Variants in ANKRD24 observed in about 807,000 individuals in gnomAD.
The protein encoded by ANKRD24 is ankyrin repeat domain 24, also known as ankyrin repeat domain-containing protein 24.
A neutral mutation model predicts 127.8 loss-of-function variants in ANKRD24; 109 were observed. The ratio of observed to expected loss-of-function variants is 0.85; its 90% CI spans 0.73 to 1.00. The LOEUF is 1.00. Among genes scored for constraint, ANKRD24 ranks in the 50% least tolerant of loss-of-function variants. The probability of loss-of-function intolerance (pLI) is 0.00; values close to 1 mark genes in which losing one functional copy is unlikely to be tolerated. For missense variants in ANKRD24, 1,648 were observed against 1,570.2 expected, an observed-to-expected ratio of 1.05 and a Z score of -0.84; for synonymous variants, 743 against 671.1, an observed-to-expected ratio of 1.11 and a Z score of -1.66.
chr19:4,203,317 G>A (rs985410059), intron 7 of ANKRD24, among the ~76,000 whole-genome samples: 6 of 152,040 alleles, frequency 3.9e-5, no homozygotes, highest in Admixed American at 6.6e-5. Context: ...CCAAAGTGCT[G>A]GGATTACAGG....
In ANKRD24 at chr19:4,186,405, G is replaced by A. The variant is rs1568309420; in HGVS notation, c.-21G>A. 1 of 1,582,138 alleles carries A rather than the reference G, an allele frequency of 6.3e-7. No homozygotes were observed. Among genetic ancestry groups the A allele is most frequent in the Middle Eastern group, 1.7e-4 (1 of 6,016 alleles). ...CCCTCCTCAGGTGGCCTGTGGAGAG[G>A]AGAAACACAGGGCACCAACTATGAA... On this transcript the variant is annotated 5_prime_UTR_variant, in exon 2 of 22. Coordinates refer to ENST00000318934, the MANE Select transcript of ANKRD24 (RefSeq NM_001393985.1).
rs1359633655 is a variant in ANKRD24 at position 4,198,499 on chromosome 19, G to A, written c.37-1184G>A. On this transcript the variant is annotated intron_variant, in intron 2 of 21. Transcript: ENST00000318934. This position sits in a 1 kb window ranked among gnomAD's most constrained non-coding sequence, Gnocchi z 6.1. ...CGCCCCGCGCCCCGGACGCCATGAA[G>A]CAGCTGTGTCTGTGCGCAGCCGCCT... The A allele has an allele frequency of 8.0e-6, 5 of 623,986 alleles. No homozygotes were observed. The highest frequency in any genetic ancestry group is 5.0e-5 in the South Asian group (3 of 59,468). The allele number at this position is 623,986 out of a possible 1,614,324, so 38.7% of individuals were successfully genotyped here. A position where few individuals can be genotyped will look rare whatever the true frequency, so the allele number is the denominator to read the frequency against.
intron 15 of ANKRD24, among the ~76,000 whole-genome samples, chr19:4,214,672 G>A (rs1486544260): frequency 6.6e-6 from 1 of 152,034 alleles, no homozygotes; most frequent in Non-Finnish European, 1.5e-5. Context: ...TGGCCAACAT[G>A]GGGAAACCCC....
At chr19:4,222,327 T>C (rs188802295) in intron 19 of ANKRD24, among the ~76,000 whole-genome samples, 287 of 152,230 alleles carry the variant, frequency 1.9e-3, no homozygotes, top group Non-Finnish European at 3.4e-3. Flanking sequence ...AGGCGGAAGT[T>C]GTAGTGAGCT....
At chr19:4,223,402 T>TATATATATATATATATATATATATA (rs1491398712) in intron 20 of ANKRD24, among the ~76,000 whole-genome samples, 1 of 40,474 alleles carries the variant, frequency 2.5e-5, no homozygotes, top group African/African-American at 1.2e-4. Context: ...TATATATATA[T>TATATATATATATATATATATATATA]TTTTTTTTTT....
At chr19:4,194,093 G>A (rs352509) in intron 2 of ANKRD24, among the ~76,000 whole-genome samples, 1 of 151,978 alleles carries the variant, frequency 6.6e-6, no homozygotes, top group Non-Finnish European at 1.5e-5. Flanking sequence ...GGCATCCAAC[G>A]ATCTACAAAT....
Position 4,218,183 on chromosome 19 carries a change from A to C in ANKRD24, c.3003+20A>C. The C allele has an allele frequency of 7.0e-7, 1 of 1,431,124 alleles. No individual in the cohort carries two copies. The highest frequency in any genetic ancestry group is 9.2e-7 in the Non-Finnish European group (1 of 1,089,420). The allele number at this position is 1,431,124 out of a possible 1,614,324, so 88.7% of individuals were successfully genotyped here. A position where few individuals can be genotyped will look rare whatever the true frequency, so the allele number is the denominator to read the frequency against. ...TTCCAGGTGAGCAGGGCTGGTCACC[A>C]CCCGGGCCCCACCCCCATTGGCCAC... On this transcript the variant is annotated intron_variant, in intron 18 of 21. Transcript: ENST00000318934.
chr19:4,212,838 A>C, intron 15 of ANKRD24, 140 bp downstream of exon 15: 1 of 800,708 alleles, frequency 1.2e-6, no homozygotes, highest in Non-Finnish European at 1.9e-6. Context: ...TGCACCCACA[A>C]ACCCACAGTC....
At position 4,186,375 on chromosome 19, in the gene ANKRD24, C is replaced by T. The variant is rs1968063625; in HGVS notation, c.-36-15C>T. 1.3e-6 allele frequency: 2 copies of T among 1,562,020 alleles called. No homozygotes were observed. The highest frequency in any genetic ancestry group is 1.4e-5 in the African/African-American group (1 of 73,328). On this transcript the variant is annotated splice_polypyrimidine_tract_variant and intron_variant, in intron 1 of 21. Coordinates refer to ENST00000318934, the MANE Select transcript of ANKRD24 (RefSeq NM_001393985.1). ...CTGGTGTCCCTCACCTTACCCCCACCCTTGCCCTCCTCAGGTGGCCTGTGG... is the reference window on the plus strand; with the variant it reads ...CTGGTGTCCCTCACCTTACCCCCACTCTTGCCCTCCTCAGGTGGCCTGTGG...
intron 1 of ANKRD24, among the ~76,000 whole-genome samples, chr19:4,184,821 T>C (rs1412292043): frequency 2.8e-5 from 4 of 144,182 alleles, no homozygotes; most frequent in Non-Finnish European, 6.1e-5. Context: ...GGTGGTTTGG[T>C]AGATGGGTGA....
chr19:4,196,718 G>C (rs552427457), intron 2 of ANKRD24, among the ~76,000 whole-genome samples: 2 of 152,322 alleles, frequency 1.3e-5, no homozygotes, highest in Admixed American at 6.5e-5. Flanking sequence ...AAGGGTCTTG[G>C]CTGTGCCCCA....
rs1314409588 is a variant in ANKRD24 at position 4,199,603 on chromosome 19, C to T, written c.37-80C>T. The T allele has an allele frequency of 6.8e-7, 1 of 1,460,112 alleles. No homozygotes were observed. Among genetic ancestry groups the T allele is most frequent in the East Asian group, 2.5e-5 (1 of 40,060 alleles). The allele number at this position is 1,460,112 out of a possible 1,614,324, so 90.4% of individuals were successfully genotyped here. On this transcript the variant is annotated intron_variant, in intron 2 of 21. Transcript: ENST00000318934. The surrounding 1 kb of genome is among the most constrained non-coding windows in gnomAD (Gnocchi z 5.2). The stretch of plus-strand genomic sequence containing the variant: ...TTGTTGGACAACTGGGGTGATGGGC[C>T]TGGGGGCAGATGCTGGGGGTCGCAG...
intron 2 of ANKRD24, among the ~76,000 whole-genome samples, chr19:4,186,788 C>T (rs1307598899): frequency 2.6e-5 from 4 of 152,148 alleles, no homozygotes; most frequent in African/African-American, 9.7e-5. Context: ...CTTGCTTTTC[C>T]AAGGACCCAC....
At position 4,192,086 on chromosome 19, in the gene ANKRD24, A is replaced by G. The variant is rs1968418999; in HGVS notation, c.36+5625A>G. On this transcript the variant is annotated intron_variant, in intron 2 of 21. Transcript: ENST00000318934. ...TTACAGGCGAGAGCCACTGTGCCCAACCAACACCGTTTCTTTCTTTGGGGT... is the reference window on the plus strand; with the variant it reads ...TTACAGGCGAGAGCCACTGTGCCCAGCCAACACCGTTTCTTTCTTTGGGGT... 4.0e-5 allele frequency among the ~76,000 whole-genome samples: 6 copies of G among 149,108 alleles called. No individual in the cohort carries two copies. The South Asian group carries it at 1.1e-3, about 27-fold the overall frequency.
At chr19:4,200,934 C>T (rs931994134) in intron 5 of ANKRD24, among the ~76,000 whole-genome samples, 11 of 151,926 alleles carry the variant, frequency 7.2e-5, no homozygotes, top group African/African-American at 1.2e-4. Flanking sequence ...TAGGAGTATC[C>T]GAGATAAAGG....
At chr19:4,197,364 G>C (rs2145264283) in intron 2 of ANKRD24, among the ~76,000 whole-genome samples, 1 of 127,826 alleles carries the variant, frequency 7.8e-6, no homozygotes, top group East Asian at 2.2e-4. Flanking sequence ...AAATGAGTGT[G>C]GGAATGAATG....
At chr19:4,187,542 G>A (rs1968139542) in intron 2 of ANKRD24, among the ~76,000 whole-genome samples, 1 of 152,204 alleles carries the variant, frequency 6.6e-6, no homozygotes, top group South Asian at 2.1e-4. Context: ...TTGCATCCGT[G>A]TCTTTGGCTA....
At chr19:4,189,516 G>T (rs56317675) in intron 2 of ANKRD24, among the ~76,000 whole-genome samples, 41,563 of 150,562 alleles carry the variant, frequency 0.28, 6,386 homozygotes, top group Middle Eastern at 0.38. Context: ...CCTTCCAAAG[G>T]GTTGCCATTA....
At chr19:4,214,711 G>A (rs1053273479) in intron 15 of ANKRD24, among the ~76,000 whole-genome samples, 6 of 152,048 alleles carry the variant, frequency 3.9e-5, no homozygotes, top group South Asian at 4.1e-4. Flanking sequence ...AAAATTAGCC[G>A]GGTGTGCTGG....
Sources: gnomAD v4.1 joint callset for allele counts (sites outside exome capture counted in the v4.1 genomes callset) on GRCh38, gnomAD v4.1.1 for gene constraint, Gnocchi (gnomAD v3.1) non-coding constraint, MANE v1.5 for transcripts, NCBI Gene and HGNC (gene_info 2026-07-23, HGNC 2026-07-21) for gene names.